Variants in GRM5 observed in about 807,000 individuals in gnomAD.
GRM5 encodes the protein metabotropic glutamate receptor 5.
A neutral mutation model predicts 83.1 loss-of-function variants in GRM5; 19 were observed. The observed-to-expected ratio is 0.23, with a 90% CI of 0.16 to 0.34. GRM5 has a LOEUF of 0.34. GRM5 is among the 10% of genes least tolerant of loss of function. The probability of loss-of-function intolerance (pLI) is 1.00; values close to 1 mark genes in which losing one functional copy is unlikely to be tolerated. For missense variants in GRM5, 1,160 were observed against 1,588.3 expected (o/e 0.73, Z 4.58); for synonymous variants, 675 against 633.6 (o/e 1.07, Z -0.98).
intron 6 of GRM5, among the ~76,000 whole-genome samples, chr11:88,593,292 TAGAGTAAAAA>T (rs1167776251): frequency 6.6e-6 from 1 of 152,188 alleles, no homozygotes; most frequent in African/African-American, 2.4e-5. Context: ...GTACATTTAA[TAGAGTAAAAA>T]TGACATCTGG....
intron 2 of GRM5, among the ~76,000 whole-genome samples, chr11:88,988,695 A>C (rs182982067): frequency 2.6e-5 from 4 of 151,370 alleles, no homozygotes; most frequent in Non-Finnish European, 5.9e-5. Context: ...AAGAGAGTGG[A>C]GGCCAATACT....
At chr11:88,825,836 A>C (rs1943886365) in intron 3 of GRM5, among the ~76,000 whole-genome samples, 1 of 152,180 alleles carries the variant, frequency 6.6e-6, no homozygotes, top group African/African-American at 2.4e-5. Context: ...ATAACACTAC[A>C]TGTTTTCTTT....
chr11:89,029,311 C>T (rs1941206013), intron 2 of GRM5, among the ~76,000 whole-genome samples: 1 of 151,994 alleles, frequency 6.6e-6, no homozygotes, highest in African/African-American at 2.4e-5. Context: ...ATTATTCTGT[C>T]AGTATAATAT....
chr11:88,940,457 C>G (rs529683566), intron 2 of GRM5, among the ~76,000 whole-genome samples: 3 of 149,032 alleles, frequency 2.0e-5, no homozygotes, highest in Non-Finnish European at 4.5e-5. Context: ...TGGGAGAAAG[C>G]GCTCCCATTA....
At chr11:88,803,484 T>C (rs1462827574) in intron 3 of GRM5, among the ~76,000 whole-genome samples, 4 of 151,826 alleles carry the variant, frequency 2.6e-5, no homozygotes, top group African/African-American at 9.7e-5. Flanking sequence ...GCTAGCCATA[T>C]GTAGAAAGCT....
intron 2 of GRM5, among the ~76,000 whole-genome samples, chr11:88,899,982 G>T (rs1368754279): frequency 6.6e-6 from 1 of 151,870 alleles, no homozygotes; most frequent in Non-Finnish European, 1.5e-5. Context: ...GACTTTAAAA[G>T]ATATATTAGG....
chr11:88,597,325 C>T lies in GRM5; in HGVS notation c.1422G>A (p.Met474Ile), dbSNP rs1937839166. The T allele has an allele frequency of 6.5e-6, 10 of 1,543,456 alleles. No individual in the cohort carries two copies. The highest frequency in any genetic ancestry group is 1.7e-5 in the Admixed American group (1 of 58,232). The change falls in exon 6 of 10, where the codon ATG becomes ATA. Residue 474 changes from methionine to isoleucine, a missense_variant. Met to Ile is a conservative substitution (Grantham distance 10). Transcript: ENST00000305447. ...GRYEIMNFKE[M>I]GKDYFDYINV... is the part of the protein sequence containing the mutation. The stretch of plus-strand genomic sequence containing the variant: ...TGATATAATCAAAGTAATCTTTTCC[C>T]ATTTCCTTGAAATTCATTATTTCAT...
intron 2 of GRM5, among the ~76,000 whole-genome samples, chr11:88,970,872 G>C (rs1939146444): frequency 6.6e-6 from 1 of 152,114 alleles, no homozygotes; most frequent in South Asian, 2.1e-4. Flanking sequence ...ATGAAATTTT[G>C]GGGTTGTGCT....
intron 7 of GRM5, among the ~76,000 whole-genome samples, chr11:88,585,858 G>T (rs2135200166): frequency 6.6e-6 from 1 of 152,176 alleles, no homozygotes; most frequent in Middle Eastern, 3.4e-3. Flanking sequence ...ATAACTGCTT[G>T]CTGTCCTCAA....
intron 2 of GRM5, among the ~76,000 whole-genome samples, chr11:88,889,890 A>AACCC (rs1336899593): frequency 1.3e-5 from 2 of 152,262 alleles, no homozygotes; most frequent in East Asian, 3.9e-4. Flanking sequence ...TTCCTCATGA[A>AACCC]ACCCCAGGAA....
intron 2 of GRM5, among the ~76,000 whole-genome samples, chr11:89,011,525 A>G (rs1435093891): frequency 6.6e-6 from 1 of 152,216 alleles, no homozygotes; most frequent in Non-Finnish European, 1.5e-5. Flanking sequence ...TCCACAAGTA[A>G]GAATTAATCC....
chr11:89,030,977 T>G (rs1941249003), intron 2 of GRM5, among the ~76,000 whole-genome samples: 1 of 152,132 alleles, frequency 6.6e-6, no homozygotes, highest in African/African-American at 2.4e-5. Flanking sequence ...AAATAAAAAT[T>G]ACTTGTAGAG....
chr11:88,691,304 C>T (rs889639503), intron 3 of GRM5, among the ~76,000 whole-genome samples: 7 of 151,906 alleles, frequency 4.6e-5, no homozygotes, highest in Non-Finnish European at 8.8e-5. Context: ...TGTATTTATC[C>T]ATGTAGTCAT....
intron 3 of GRM5, among the ~76,000 whole-genome samples, chr11:88,783,574 A>T (rs1286661857): frequency 6.6e-6 from 1 of 152,096 alleles, no homozygotes; most frequent in African/African-American, 2.4e-5. Context: ...AGTTAGGTCT[A>T]TTAAACAATA....
chr11:89,063,587 T>G (rs1425252675), intron 1 of GRM5: 1 of 152,180 alleles, frequency 6.6e-6, no homozygotes, highest in Admixed American at 6.5e-5. Flanking sequence ...AGTCCCCGGC[T>G]TCCCCCCCAA....
chr11:88,587,465 G>T (rs1160277203), intron 7 of GRM5, among the ~76,000 whole-genome samples: 2 of 152,094 alleles, frequency 1.3e-5, no homozygotes, highest in Non-Finnish European at 2.9e-5. Context: ...ATCATAGGAG[G>T]GTGGGAAAGA....
intron 3 of GRM5, among the ~76,000 whole-genome samples, chr11:88,660,745 G>A (rs1939884367): frequency 6.6e-6 from 1 of 152,184 alleles, no homozygotes; most frequent in Non-Finnish European, 1.5e-5. Context: ...CGGAGACATA[G>A]AACATTGATT....
At chr11:88,808,395 T>C (rs1425542691) in intron 3 of GRM5, among the ~76,000 whole-genome samples, 1 of 151,618 alleles carries the variant, frequency 6.6e-6, no homozygotes, top group Non-Finnish European at 1.5e-5. Flanking sequence ...AATTTACAGA[T>C]GGTCAGATAA....
At chr11:88,628,276 T>C (rs1294999463) in intron 4 of GRM5, among the ~76,000 whole-genome samples, 2 of 152,244 alleles carry the variant, frequency 1.3e-5, no homozygotes, top group African/African-American at 2.4e-5. Flanking sequence ...AATTATAAAA[T>C]ACCTGATGGA....
Sources: gnomAD v4.1 joint callset for allele counts (sites outside exome capture counted in the v4.1 genomes callset) on GRCh38, gnomAD v4.1.1 for gene constraint, MANE v1.5 for transcripts, NCBI Gene and HGNC (gene_info 2026-07-23, HGNC 2026-07-21) for gene names.